LRRC37A2: variants seen among roughly 807,000 people sequenced by gnomAD.
LRRC37A2 encodes the protein leucine-rich repeat-containing protein 37A2.
Under a neutral mutation model 68.8 loss-of-function variants are expected in LRRC37A2, and 9 were observed. The ratio of observed to expected loss-of-function variants is 0.13; its 90% CI spans 0.08 to 0.23. LRRC37A2 has a LOEUF of 0.23. Among genes scored for constraint, LRRC37A2 ranks in the 10% least tolerant of loss-of-function variants. The pLI is 1.00. For missense variants in LRRC37A2, 168 were observed against 950.4 expected, an observed-to-expected ratio of 0.18 and a Z score of 10.82; for synonymous variants, 63 against 367.6, an observed-to-expected ratio of 0.17 and a Z score of 9.48.
At chr17:46,982,103 G>A in the LRRC37A2 span, among the ~76,000 whole-genome samples, 10 of 152,240 alleles carry the variant, frequency 6.6e-5, no homozygotes, top group South Asian at 8.3e-4. Context: ...CTGGCCTGGC[G>A]CAAAGGCATG....
chr17:46,884,543 G>C, the LRRC37A2 span, among the ~76,000 whole-genome samples: 2 of 152,202 alleles, frequency 1.3e-5, no homozygotes, highest in Admixed American at 1.3e-4. Flanking sequence ...AGAGGCCCAG[G>C]GTTTGGTAAA....
chr17:46,707,901 C>T, the LRRC37A2 span, among the ~76,000 whole-genome samples: 1 of 152,008 alleles, frequency 6.6e-6, no homozygotes, highest in African/African-American at 2.4e-5. Context: ...GGAGTGGTGG[C>T]ACACACCTGT....
the LRRC37A2 span, among the ~76,000 whole-genome samples, chr17:47,044,284 T>C: frequency 2.0e-5 from 3 of 151,434 alleles, no homozygotes; most frequent in Admixed American, 1.3e-4. Flanking sequence ...CAGTTCTAGA[T>C]TGAAGGAGAC....
At chr17:46,449,030 AT>A in the LRRC37A2 span, among the ~76,000 whole-genome samples, 1 of 66,964 alleles carries the variant, frequency 1.5e-5, no homozygotes, top group African/African-American at 7.1e-5. Flanking sequence ...ACATAATTTC[AT>A]TGTTTTTATG....
chr17:46,933,439 G>A, the LRRC37A2 span: 1 of 152,206 alleles, frequency 6.6e-6, no homozygotes, highest in Non-Finnish European at 1.5e-5. Flanking sequence ...TCAAACGCCA[G>A]CATCTTCTGA....
chr17:46,900,214 C>CATATATATATAT, the LRRC37A2 span, among the ~76,000 whole-genome samples: 19 of 125,768 alleles, frequency 1.5e-4, no homozygotes, highest in East Asian at 2.7e-3. Flanking sequence ...CACACACACA[C>CATATATATATAT]ACACACATAT....
chr17:46,738,191 C>G, the LRRC37A2 span, among the ~76,000 whole-genome samples: 1 of 152,102 alleles, frequency 6.6e-6, no homozygotes, highest in Admixed American at 6.5e-5. Flanking sequence ...ACCTCAGCTT[C>G]CCAGAGTGCT....
the LRRC37A2 span, among the ~76,000 whole-genome samples, chr17:46,943,409 G>A: frequency 1.3e-5 from 2 of 152,130 alleles, no homozygotes; most frequent in African/African-American, 4.8e-5. Flanking sequence ...TGGACTGCTT[G>A]GTCTTCTCAG....
the LRRC37A2 span, among the ~76,000 whole-genome samples, chr17:46,501,703 A>G: frequency 1.3e-5 from 2 of 151,358 alleles, no homozygotes; most frequent in South Asian, 2.1e-4. Context: ...CCACAGAATG[A>G]TATCTCATTG....
chr17:47,000,077 AAAAT>A, the LRRC37A2 span, among the ~76,000 whole-genome samples: 5 of 5,120 alleles, frequency 9.8e-4, 1 homozygote, highest in South Asian at 0.043. Context: ...AATAAAATAA[AAAAT>A]AAAATAAAAT....
the LRRC37A2 span, among the ~76,000 whole-genome samples, chr17:46,733,436 G>A: frequency 6.6e-6 from 1 of 152,044 alleles, no homozygotes; most frequent in Non-Finnish European, 1.5e-5. Flanking sequence ...TCCTCAACAA[G>A]TGTGAGAGTA....
chr17:46,923,647 G>C, the LRRC37A2 span: 6 of 1,131,558 alleles, frequency 5.3e-6, no homozygotes, highest in East Asian at 1.6e-4. Context: ...GTACGGGAAA[G>C]TATTTGTATT....
the LRRC37A2 span, among the ~76,000 whole-genome samples, chr17:47,008,803 G>T: frequency 5.9e-5 from 9 of 152,094 alleles, no homozygotes; most frequent in East Asian, 1.7e-3. Context: ...TATTTGAAAA[G>T]AATATTGTTT....
the LRRC37A2 span, among the ~76,000 whole-genome samples, chr17:46,809,256 G>A: frequency 1.3e-5 from 2 of 152,212 alleles, no homozygotes; most frequent in Non-Finnish European, 2.9e-5. Flanking sequence ...TCCACCTTGT[G>A]AAGATGATTG....
At chr17:46,798,054 G>A in the LRRC37A2 span, among the ~76,000 whole-genome samples, 1 of 152,068 alleles carries the variant, frequency 6.6e-6, no homozygotes, top group Non-Finnish European at 1.5e-5. Context: ...TCAGCCTCCC[G>A]AGTAGCTAGG....
chr17:47,010,434 G>A, the LRRC37A2 span: 2 of 152,306 alleles, frequency 1.3e-5, no homozygotes, highest in Non-Finnish European at 2.9e-5. Flanking sequence ...GGAACAGCCC[G>A]TGCTCTCCAC....
At chr17:46,779,098 CACA>C in the LRRC37A2 span, among the ~76,000 whole-genome samples, 4 of 147,026 alleles carry the variant, frequency 2.7e-5, 1 homozygote, top group East Asian at 6.4e-4. Flanking sequence ...CACACACACA[CACA>C]CACCCCAGCC....
chr17:46,938,690 A>G, the LRRC37A2 span: 1 of 1,613,876 alleles, frequency 6.2e-7, no homozygotes, highest in Non-Finnish European at 8.5e-7. Flanking sequence ...TTCCAGGACA[A>G]GTACTTTATG....
chr17:47,030,180 ACACTGGAAT>A, the LRRC37A2 span, among the ~76,000 whole-genome samples: 1 of 147,956 alleles, frequency 6.8e-6, no homozygotes, highest in Non-Finnish European at 1.5e-5. Flanking sequence ...CACCAGGAAA[ACACTGGAAT>A]CACAGTTGAT....
Sources: gnomAD v4.1 joint callset for allele counts (sites outside exome capture counted in the v4.1 genomes callset) on GRCh38, gnomAD v4.1.1 for gene constraint, MANE v1.5 for transcripts, NCBI Gene and HGNC (gene_info 2026-07-23, HGNC 2026-07-21) for gene names.